The following ANKIB1 variants were observed in gnomAD, a reference collection of about 807,000 sequenced individuals.
ANKIB1 encodes the protein ankyrin repeat and IBR domain containing 1.
A neutral mutation model predicts 122.1 loss-of-function variants in ANKIB1; 43 were observed. The ratio of observed to expected loss-of-function variants is 0.35; its 90% CI spans 0.28 to 0.45. The LOEUF (loss-of-function observed/expected upper bound fraction) is 0.45, where lower values mean the gene tolerates loss of function less well. Ranked by LOEUF, ANKIB1 falls within the 20% of genes least tolerant of loss-of-function variation. The probability of loss-of-function intolerance (pLI) is 1.00; values close to 1 mark genes in which losing one functional copy is unlikely to be tolerated. For synonymous variants in ANKIB1, 390 were observed against 442.0 expected (o/e 0.88, Z 1.48); for missense variants, 992 against 1,329.5 (o/e 0.75, Z 3.95).
chr7:92,345,303 G>T (rs1803516597), intron 7 of ANKIB1, among the ~76,000 whole-genome samples: 1 of 152,072 alleles, frequency 6.6e-6, no homozygotes, highest in South Asian at 2.1e-4. Flanking sequence ...TAGAAACAAA[G>T]CAGGTATACA....
In ANKIB1 at chr7:92,248,865, TTTTTTTC is replaced by T. The variant is rs1353252157; in HGVS notation, c.-91+2358_-91+2364del. 1.2e-3 allele frequency among the ~76,000 whole-genome samples: 183 copies of T among 151,022 alleles called. 1 individual carries two copies. Among genetic ancestry groups the T allele is most frequent in the African/African-American group, 4.3e-3 (176 of 41,268 alleles). ...GACTGCCTCTTTCTTTTCCAGATAC[TTTTTTTC>T]TTTTTTCTTTTCTTTCTTTTTTTTT... On this transcript the variant is annotated intron_variant, in intron 1 of 19. Coordinates refer to ENST00000265742, the MANE Select transcript of ANKIB1 (RefSeq NM_019004.2).
chr7:92,329,492 T>C lies in ANKIB1; in HGVS notation c.787+1592T>C, dbSNP rs116766050. Among the ~76,000 whole-genome samples the C allele has an allele frequency of 9.7e-3, 1,485 of 152,332 alleles. 32 individuals carry two copies. The highest frequency in any genetic ancestry group is 0.034 in the African/African-American group (1,415 of 41,570). On this transcript the variant is annotated intron_variant, in intron 5 of 19. Coordinates refer to ENST00000265742, the MANE Select transcript of ANKIB1 (RefSeq NM_019004.2). ...GACCATTCTCTGAGAAACATTGCTG[T>C]GCATATTTATCTCATAAAATCAGTA...
intron 2 of ANKIB1, among the ~76,000 whole-genome samples, chr7:92,301,335 C>T (rs1347152473): frequency 2.6e-4 from 39 of 152,028 alleles, no homozygotes; most frequent in Admixed American, 2.6e-3. Flanking sequence ...TCCCTTCCTT[C>T]CACATTTTTG....
intron 2 of ANKIB1, among the ~76,000 whole-genome samples, chr7:92,297,028 C>A (rs1281471981): frequency 6.6e-6 from 1 of 152,080 alleles, no homozygotes; most frequent in Non-Finnish European, 1.5e-5. Flanking sequence ...TTAATGACAC[C>A]AGCATATCAT....
chr7:92,335,629 T>G (rs1236455427), intron 5 of ANKIB1, among the ~76,000 whole-genome samples: 1 of 151,922 alleles, frequency 6.6e-6, no homozygotes, highest in Non-Finnish European at 1.5e-5. Context: ...TCCCTTATCT[T>G]TTTTTACTAT....
intron 1 of ANKIB1, among the ~76,000 whole-genome samples, chr7:92,281,529 A>T (rs2131902655): frequency 6.6e-6 from 1 of 152,342 alleles, no homozygotes; most frequent in Non-Finnish European, 1.5e-5. Context: ...TGGGGCTGAA[A>T]TTGTAATATT....
chr7:92,380,208 G>T lies in ANKIB1; in HGVS notation c.1618-6301G>T, dbSNP rs982472395. ...GGGGAGGGGCATCTGCCATTGCTGA[G>T]TAGGTAAACAAAACGGCTGGGAAGC... is the stretch of plus-strand genomic sequence containing the variant. On this transcript the variant is annotated intron_variant, in intron 11 of 19. Transcript: ENST00000265742. Among the ~76,000 whole-genome samples, 4 of 152,324 alleles carry T rather than the reference G, an allele frequency of 2.6e-5. No individual in the cohort carries two copies. In the South Asian group the frequency reaches 8.3e-4, roughly 32 times the overall value.
chr7:92,251,439 A>T (rs572220975), intron 1 of ANKIB1, among the ~76,000 whole-genome samples: 18 of 152,320 alleles, frequency 1.2e-4, no homozygotes, highest in African/African-American at 4.1e-4. Context: ...GCAATAGGTG[A>T]TTCACATTTG....
rs1027810354 is a variant in ANKIB1 at position 92,307,700 on chromosome 7, A to G, written c.486+44A>G. ...TAATATTCTGCATTGTAAAATTTGT[A>G]TCCAGGTGATATGTAACTGTCAGGT... is the stretch of plus-strand genomic sequence containing the variant. On this transcript the variant is annotated intron_variant, in intron 3 of 19. Transcript: ENST00000265742. The G allele has an allele frequency of 6.7e-6, 9 of 1,345,500 alleles. No homozygotes were observed. The African/African-American group carries it at 1.4e-4, about 21-fold the overall frequency. The allele number at this position is 1,345,500 out of a possible 1,614,324, so 83.3% of individuals were successfully genotyped here. A position where few individuals can be genotyped will look rare whatever the true frequency, so the allele number is the denominator to read the frequency against.
intron 1 of ANKIB1, among the ~76,000 whole-genome samples, chr7:92,293,319 A>G (rs1802289006): frequency 6.6e-6 from 1 of 152,116 alleles, no homozygotes; most frequent in Non-Finnish European, 1.5e-5. Flanking sequence ...TATGTCGAAC[A>G]CTGTGCATAT....
intron 1 of ANKIB1, among the ~76,000 whole-genome samples, chr7:92,293,046 G>T (rs1802283816): frequency 6.6e-6 from 1 of 152,292 alleles, no homozygotes; most frequent in Admixed American, 6.5e-5. Flanking sequence ...CAAATGTGCT[G>T]CTATAGTAAG....
chr7:92,315,510 A>G (rs1399674267), intron 3 of ANKIB1, among the ~76,000 whole-genome samples: 2 of 152,208 alleles, frequency 1.3e-5, no homozygotes, highest in African/African-American at 4.8e-5. Flanking sequence ...CACAGCATCA[A>G]TTTGAAGAAT....
intron 17 of ANKIB1, among the ~76,000 whole-genome samples, chr7:92,394,098 C>G (rs1390131914): frequency 6.6e-6 from 1 of 152,128 alleles, no homozygotes; most frequent in Admixed American, 6.6e-5. Flanking sequence ...AATTCAAGTT[C>G]TAAGTGTAAC....
chr7:92,259,763 C>A (rs1010732648), intron 1 of ANKIB1, among the ~76,000 whole-genome samples: 1 of 152,190 alleles, frequency 6.6e-6, no homozygotes. Context: ...CCTCACCTCC[C>A]GCAGTCTTCC....
At chr7:92,394,333 G>A (rs188773551) in intron 17 of ANKIB1, among the ~76,000 whole-genome samples, 45 of 152,174 alleles carry the variant, frequency 3.0e-4, no homozygotes, top group African/African-American at 1.1e-3. Flanking sequence ...GGAGTATACT[G>A]ACTAAACCCT....
At chr7:92,285,889 C>G (rs185561566) in intron 1 of ANKIB1, among the ~76,000 whole-genome samples, 1 of 152,312 alleles carries the variant, frequency 6.6e-6, no homozygotes, top group Non-Finnish European at 1.5e-5. Context: ...CTGTGCAGAT[C>G]CCCAGCTTCA....
chr7:92,330,503 C>T (rs1803147094), intron 5 of ANKIB1, among the ~76,000 whole-genome samples: 3 of 151,800 alleles, frequency 2.0e-5, no homozygotes, highest in African/African-American at 7.2e-5. Context: ...AAATTTAGAC[C>T]TGAGTAAAAA....
chr7:92,289,698 A>G (rs146691061), intron 1 of ANKIB1, among the ~76,000 whole-genome samples: 2 of 152,222 alleles, frequency 1.3e-5, no homozygotes, highest in Non-Finnish European at 2.9e-5. Flanking sequence ...CCATTGGTCA[A>G]TAATGCATGC....
At chr7:92,327,049 C>G (rs962455908) in intron 4 of ANKIB1, among the ~76,000 whole-genome samples, 4 of 152,142 alleles carry the variant, frequency 2.6e-5, no homozygotes, top group Non-Finnish European at 5.9e-5. Flanking sequence ...AGTTGATTTG[C>G]AGAAAGAACA....
Sources: allele counts gnomAD v4.1 joint callset (sites outside exome capture counted in the v4.1 genomes callset), GRCh38; gene constraint gnomAD v4.1.1; transcripts MANE v1.5; gene names NCBI Gene and HGNC (gene_info 2026-07-23, HGNC 2026-07-21).